The following DOCK4 variants were observed in gnomAD, a reference collection of about 807,000 sequenced individuals.
DOCK4 encodes dedicator of cytokinesis protein 4.
Under a neutral mutation model 268.1 loss-of-function variants are expected in DOCK4, and 97 were observed. The ratio of observed to expected loss-of-function variants is 0.36; its 90% CI spans 0.31 to 0.43. DOCK4 has a LOEUF of 0.43. Ranked by LOEUF, DOCK4 falls within the 20% of genes least tolerant of loss-of-function variation. The pLI, the probability that DOCK4 is intolerant of heterozygous loss-of-function variation, is 1.00. For synonymous variants in DOCK4, 954 were observed against 887.2 expected, an observed-to-expected ratio of 1.08 and a Z score of -1.34; for missense variants, 2,145 against 2,455.7, an observed-to-expected ratio of 0.87 and a Z score of 2.67.
rs1335683859 is a variant in DOCK4, at chr7:112,200,725, T to TAAAAAAAA, written c.37+5369_37+5376dup. Reference sequence around the variant, plus strand: ...CTAGCTACCATAACAGCCTCTAAAATAAAAAAAAAAAAACAAAAAAAAACA... The same window carrying TAAAAAAAA: ...CTAGCTACCATAACAGCCTCTAAAATAAAAAAAAAAAAAAAAAAAAACAAAAAAAAACA... On this transcript the variant is annotated intron_variant, in intron 1 of 52. Coordinates refer to ENST00000428084, the MANE Select transcript of DOCK4 (RefSeq NM_001363540.2). Among the ~76,000 whole-genome samples the TAAAAAAAA allele has an allele frequency of 3.1e-3, 321 of 102,704 alleles. 39 individuals are homozygous for TAAAAAAAA. The highest frequency in any genetic ancestry group is 5.5e-3 in the East Asian group (17 of 3,074). The allele number at this position is 102,704 out of a possible 152,430, so 67.4% of individuals were successfully genotyped here.
At chr7:111,959,568 A>T (rs1206744003) in intron 8 of DOCK4, among the ~76,000 whole-genome samples, 1 of 152,252 alleles carries the variant, frequency 6.6e-6, no homozygotes, top group African/African-American at 2.4e-5. Context: ...TAACTATGTT[A>T]TGCACTAGCA....
chr7:112,077,349 T>A (rs567158970), intron 1 of DOCK4, among the ~76,000 whole-genome samples: 2 of 152,282 alleles, frequency 1.3e-5, no homozygotes, highest in South Asian at 4.1e-4. Flanking sequence ...GTATTTACAT[T>A]AACTACTATG....
intron 16 of DOCK4, among the ~76,000 whole-genome samples, chr7:111,885,988 A>C (rs1807809117): frequency 6.6e-6 from 1 of 152,200 alleles, no homozygotes; most frequent in African/African-American, 2.4e-5. Context: ...CTACTTTTTG[A>C]CTACTGTCTT....
intron 30 of DOCK4, among the ~76,000 whole-genome samples, chr7:111,800,390 G>A (rs754290820): frequency 2.6e-5 from 4 of 152,074 alleles, no homozygotes; most frequent in Non-Finnish European, 5.9e-5. Flanking sequence ...TATCTCTCCC[G>A]ATCATATTGC....
At chr7:111,937,499 T>C (rs1794836317) in intron 11 of DOCK4, among the ~76,000 whole-genome samples, 2 of 152,226 alleles carry the variant, frequency 1.3e-5, no homozygotes, top group Admixed American at 6.5e-5. Flanking sequence ...TGTCTCCCAT[T>C]GGCAGGGCTG....
Position 111,742,073 on chromosome 7 carries a change from T to A in DOCK4, c.4737A>T (p.Arg1579Ser), listed in dbSNP as rs370826074. 1.2e-6 allele frequency: 2 copies of A among 1,608,530 alleles called. No homozygotes were observed. Among genetic ancestry groups the A allele is most frequent in the Non-Finnish European group, 1.7e-6 (2 of 1,177,940 alleles). The change falls in exon 45 of 53, where the codon AGA becomes AGT. Residue 1579 changes from arginine to serine, a missense_variant. By Grantham distance (110) the Arg-to-Ser change is moderately radical (BLOSUM62 -1). Around this residue, in one of 2 missense-constraint regions of DOCK4, gnomAD observed 1,598 missense variants for 1,986.7 expected, o/e 0.80. Coordinates refer to ENST00000428084, the MANE Select transcript of DOCK4 (RefSeq NM_001363540.2). ...VHEKFVPQDMRPLHKKLVDQF... is the reference protein window; with the variant it reads ...VHEKFVPQDMSPLHKKLVDQF... ...GGTCAACCAGCTTTTTGTGAAGGGG[T>A]CTCATATCTTGAGGTACAAACTTCT...
At chr7:112,132,101 C>T (rs1211971971) in intron 1 of DOCK4, among the ~76,000 whole-genome samples, 1 of 152,212 alleles carries the variant, frequency 6.6e-6, no homozygotes, top group East Asian at 1.9e-4. Flanking sequence ...AGTTTGGCAG[C>T]CCTTAGACCA....
intron 8 of DOCK4, among the ~76,000 whole-genome samples, chr7:111,956,195 T>C (rs2134930255): frequency 6.6e-6 from 1 of 152,326 alleles, no homozygotes. Flanking sequence ...GAAATTATTC[T>C]GACCTTTCTA....
At chr7:112,171,486 T>C (rs974838549) in intron 1 of DOCK4, among the ~76,000 whole-genome samples, 3 of 152,020 alleles carry the variant, frequency 2.0e-5, no homozygotes, top group East Asian at 1.9e-4. Flanking sequence ...GTTCACTTTA[T>C]CTTTAATATA....
At chr7:112,196,343 C>A (rs1820436783) in intron 1 of DOCK4, among the ~76,000 whole-genome samples, 1 of 152,230 alleles carries the variant, frequency 6.6e-6, no homozygotes, top group Middle Eastern at 3.4e-3. Context: ...TCTCTGTCAC[C>A]AATACCCTGC....
At chr7:112,051,714 C>G (rs560610762) in intron 1 of DOCK4, among the ~76,000 whole-genome samples, 5 of 150,232 alleles carry the variant, frequency 3.3e-5, no homozygotes, top group Admixed American at 6.6e-5. Context: ...ACCTTTGGAG[C>G]TGCTCAAATG....
At chr7:112,179,187 GACCAGCC>G (rs1818798814) in intron 1 of DOCK4, among the ~76,000 whole-genome samples, 1 of 152,224 alleles carries the variant, frequency 6.6e-6, no homozygotes, top group South Asian at 2.1e-4. Flanking sequence ...AGGAGCTCGG[GACCAGCC>G]TGGGCAACAT....
intron 1 of DOCK4, among the ~76,000 whole-genome samples, chr7:112,057,377 C>G (rs1404374257): frequency 1.3e-5 from 2 of 151,922 alleles, no homozygotes; most frequent in Non-Finnish European, 2.9e-5. Flanking sequence ...ACAGCGAAAC[C>G]CCATCTCCAC....
At chr7:112,126,412 T>C (rs1334502456) in intron 1 of DOCK4, among the ~76,000 whole-genome samples, 1 of 152,172 alleles carries the variant, frequency 6.6e-6, no homozygotes, top group Admixed American at 6.5e-5. Context: ...ACCATCTCCC[T>C]GACTTCCAAT....
intron 15 of DOCK4, among the ~76,000 whole-genome samples, chr7:111,898,556 C>T (rs959446703): frequency 1.3e-5 from 2 of 152,192 alleles, no homozygotes; most frequent in Non-Finnish European, 2.9e-5. Context: ...TTCTTGTGCT[C>T]ACTGATGTGT....
chr7:111,955,548 C>T (rs1264440438), intron 8 of DOCK4, among the ~76,000 whole-genome samples: 2 of 152,168 alleles, frequency 1.3e-5, no homozygotes, highest in African/African-American at 4.8e-5. Flanking sequence ...CCAATTCTTT[C>T]TTACTAGTCA....
At chr7:111,981,790 C>T (rs1798627857) in intron 7 of DOCK4, among the ~76,000 whole-genome samples, 1 of 152,146 alleles carries the variant, frequency 6.6e-6, no homozygotes, top group Non-Finnish European at 1.5e-5. Flanking sequence ...CCACCAACGG[C>T]CAACATTGCT....
intron 1 of DOCK4, among the ~76,000 whole-genome samples, chr7:112,119,162 T>A (rs1010024429): frequency 6.6e-6 from 1 of 151,992 alleles, no homozygotes; most frequent in South Asian, 2.1e-4. Context: ...GGACTCACTC[T>A]CCAAGACAAG....
intron 27 of DOCK4, among the ~76,000 whole-genome samples, chr7:111,814,285 T>C (rs1353051445): frequency 6.6e-6 from 1 of 152,188 alleles, no homozygotes; most frequent in East Asian, 1.9e-4. Flanking sequence ...GTAAACAACA[T>C]GGAATCTCTG....
Sources: gnomAD v4.1 joint callset for allele counts (sites outside exome capture counted in the v4.1 genomes callset) on GRCh38, gnomAD v4.1.1 for gene constraint, gnomAD v4.1.1 regional missense constraint, MANE v1.5 for transcripts, NCBI Gene and HGNC (gene_info 2026-07-23, HGNC 2026-07-21) for gene names.